Variants in PRDM5 observed in about 807,000 individuals in gnomAD.
PRDM5 encodes the protein PR domain zinc finger protein 5.
A neutral mutation model predicts 81.2 loss-of-function variants in PRDM5; 56 were observed. That is an observed-to-expected ratio of 0.69 (90% confidence interval 0.56 to 0.86). The LOEUF is 0.86. Among genes scored for constraint, PRDM5 ranks in the 40% least tolerant of loss-of-function variants. PRDM5 has a pLI of 0.00. For missense variants in PRDM5, 697 were observed against 770.1 expected (o/e 0.91, Z 1.12); for synonymous variants, 267 against 256.4 (o/e 1.04, Z -0.39).
At chr4:120,835,232 G>T (rs1229385416) in intron 3 of PRDM5, among the ~76,000 whole-genome samples, 1 of 152,122 alleles carries the variant, frequency 6.6e-6, no homozygotes, top group Non-Finnish European at 1.5e-5. Context: ...AACCACCAAA[G>T]AAATAAAAAT....
At chr4:120,827,790 A>G (rs1226908979) in intron 3 of PRDM5, among the ~76,000 whole-genome samples, 1 of 152,070 alleles carries the variant, frequency 6.6e-6, no homozygotes, top group Non-Finnish European at 1.5e-5. Flanking sequence ...AGCCAGCCAG[A>G]TGGTAGGCTT....
chr4:120,695,276 C>G lies in PRDM5; in HGVS notation c.1729-1G>C, dbSNP rs1183174825. 2 of 1,613,126 alleles carry G rather than the reference C, an allele frequency of 1.2e-6. No homozygotes were observed. The highest frequency in any genetic ancestry group is 1.7e-6 in the Non-Finnish European group (2 of 1,179,448). On this transcript the variant is annotated splice_acceptor_variant, in intron 15 of 15. Transcript: ENST00000264808. LOFTEE classifies it high-confidence loss of function. ...TCAGGCTAAAAGCCAAATCACAAAC[C>G]TAGAAAAGACCCAAAGACCAACCAT...
At chr4:120,700,465 A>G (rs1735182093) in intron 15 of PRDM5, among the ~76,000 whole-genome samples, 1 of 152,170 alleles carries the variant, frequency 6.6e-6, no homozygotes, top group South Asian at 2.1e-4. Flanking sequence ...AGTGAAACCT[A>G]ATAAAACTAA....
chr4:120,832,974 A>T (rs1756902726), intron 3 of PRDM5, among the ~76,000 whole-genome samples: 1 of 152,160 alleles, frequency 6.6e-6, no homozygotes. Flanking sequence ...AGTTTATTCA[A>T]TACATTTACT....
chr4:120,746,352 C>CAA lies in PRDM5; in HGVS notation c.1623+8200_1623+8201insTT, dbSNP rs1578569858. 2.0e-5 allele frequency among the ~76,000 whole-genome samples: 3 copies of CAA among 146,758 alleles called. No individual in the cohort carries two copies. The East Asian group carries it at 6.0e-4, about 29-fold the overall frequency. On this transcript the variant is annotated intron_variant, in intron 14 of 15. Transcript: ENST00000264808. ...ACCCTAGAAGAAAACCTAGGCATTA[C>CAA]CATTCAGGACATAGGCATGGGCAAG... is the stretch of plus-strand genomic sequence containing the variant.
At chr4:120,727,692 T>C (rs1005208007) in intron 14 of PRDM5, among the ~76,000 whole-genome samples, 4 of 151,976 alleles carry the variant, frequency 2.6e-5, no homozygotes, top group Admixed American at 1.3e-4. Context: ...TCCCAACACT[T>C]TGGGCGGCTG....
intron 14 of PRDM5, among the ~76,000 whole-genome samples, chr4:120,724,068 T>C (rs1421085147): frequency 6.6e-6 from 1 of 151,768 alleles, no homozygotes; most frequent in Non-Finnish European, 1.5e-5. Flanking sequence ...ATACTTCCTC[T>C]AAAAAGGTCT....
chr4:120,740,877 A>G (rs1202560028), intron 14 of PRDM5, among the ~76,000 whole-genome samples: 3 of 152,220 alleles, frequency 2.0e-5, no homozygotes, highest in Admixed American at 1.3e-4. Flanking sequence ...CAACTGCTCA[A>G]TCTCAGCCTG....
At chr4:120,723,837 T>G (rs1738994843) in intron 14 of PRDM5, among the ~76,000 whole-genome samples, 1 of 152,036 alleles carries the variant, frequency 6.6e-6, no homozygotes, top group Non-Finnish European at 1.5e-5. Flanking sequence ...TGTCTTTTTC[T>G]CTTGTCATGT....
At chr4:120,856,876 C>T (rs1217539127) in intron 2 of PRDM5, among the ~76,000 whole-genome samples, 1 of 152,180 alleles carries the variant, frequency 6.6e-6, no homozygotes, top group Admixed American at 6.5e-5. Context: ...CAAATACCAT[C>T]TTCTTTTATT....
chr4:120,803,153 G>C (rs1183352483), intron 8 of PRDM5, among the ~76,000 whole-genome samples: 1 of 152,116 alleles, frequency 6.6e-6, no homozygotes, highest in Non-Finnish European at 1.5e-5. Context: ...GGAAAGTTTA[G>C]AGAAAAAAGA....
At chr4:120,780,657 T>C (rs1748906670) in intron 12 of PRDM5, among the ~76,000 whole-genome samples, 1 of 152,102 alleles carries the variant, frequency 6.6e-6, no homozygotes, top group South Asian at 2.1e-4. Context: ...CAAGTATTTA[T>C]CGAGTCCCCA....
chr4:120,802,666 T>C (rs1752307470), intron 8 of PRDM5, among the ~76,000 whole-genome samples: 1 of 152,082 alleles, frequency 6.6e-6, no homozygotes, highest in South Asian at 2.1e-4. Flanking sequence ...GAAGGAAAAC[T>C]AACAGACAGA....
In PRDM5 at chr4:120,787,016, A is replaced by G. The variant is rs922281523; in HGVS notation, c.1189-1925T>C. On this transcript the variant is annotated intron_variant, in intron 10 of 15. Coordinates refer to ENST00000264808, the MANE Select transcript of PRDM5 (RefSeq NM_018699.4). ...ATGTCCCTGCTATCACGAAGCTTTT[A>G]CACTAGCAGAGGAGAAGGACAATAA... is the stretch of plus-strand genomic sequence containing the variant. 2.0e-5 allele frequency among the ~76,000 whole-genome samples: 3 copies of G among 152,186 alleles called. No homozygotes were observed. The South Asian group carries it at 6.2e-4, about 31-fold the overall frequency.
intron 10 of PRDM5, among the ~76,000 whole-genome samples, 169 bp from the exon 11 acceptor site, chr4:120,785,260 T>G (rs1749618526): frequency 6.6e-6 from 1 of 151,546 alleles, no homozygotes; most frequent in Non-Finnish European, 1.5e-5. Context: ...AAATGTGCTG[T>G]GTTTGCAAGA....
intron 12 of PRDM5, 134 bp from the exon 13 acceptor site, chr4:120,777,415 AT>A: frequency 6.8e-7 from 1 of 1,463,674 alleles, no homozygotes; most frequent in Non-Finnish European, 9.1e-7. Context: ...TCACAATGAG[AT>A]TTTAAACAAT....
intron 13 of PRDM5, among the ~76,000 whole-genome samples, chr4:120,759,507 A>G (rs1464604634): frequency 6.6e-6 from 1 of 152,162 alleles, no homozygotes; most frequent in Non-Finnish European, 1.5e-5. Flanking sequence ...TCATTTTCCT[A>G]ATTTGCATAT....
chr4:120,825,904 G>T (rs1176278860), intron 3 of PRDM5, among the ~76,000 whole-genome samples: 2 of 152,050 alleles, frequency 1.3e-5, no homozygotes, highest in African/African-American at 4.8e-5. Context: ...CAATTGAGGG[G>T]TTTCCAAGGA....
intron 2 of PRDM5, among the ~76,000 whole-genome samples, chr4:120,897,340 TCTCA>T (rs1764747400): frequency 1.3e-5 from 2 of 152,176 alleles, no homozygotes; most frequent in Admixed American, 1.3e-4. Flanking sequence ...AAAAATCAAC[TCTCA>T]CTCTTACTGT....
Sources: allele counts gnomAD v4.1 joint callset (sites outside exome capture counted in the v4.1 genomes callset), GRCh38; gene constraint gnomAD v4.1.1; transcripts MANE v1.5; gene names NCBI Gene and HGNC (gene_info 2026-07-23, HGNC 2026-07-21).